The following GORASP2 variants were observed in gnomAD, a reference collection of about 807,000 sequenced individuals.
The protein encoded by GORASP2 is Golgi reassembly-stacking protein 2.
GORASP2 carries 22 observed loss-of-function variants against 45.7 expected under a neutral mutation model. The observed-to-expected ratio is 0.48, with a 90% confidence interval of 0.34 to 0.69. GORASP2 has a LOEUF of 0.69. GORASP2 is among the 30% of genes least tolerant of loss of function. GORASP2 has a pLI of 0.01. For missense variants in GORASP2, 491 were observed against 562.7 expected, an observed-to-expected ratio of 0.87 and a Z score of 1.29; for synonymous variants, 221 against 215.6, an observed-to-expected ratio of 1.02 and a Z score of -0.22.
chr2:170,963,835 G>A (rs1470555153), intron 9 of GORASP2, among the ~76,000 whole-genome samples: 11 of 152,004 alleles, frequency 7.2e-5, no homozygotes, highest in Non-Finnish European at 1.5e-5. Context: ...TGTAGAGAAG[G>A]GGTTTCACCA....
chr2:170,945,513 A>G (rs909521769), intron 1 of GORASP2, among the ~76,000 whole-genome samples: 21 of 148,752 alleles, frequency 1.4e-4, no homozygotes, highest in African/African-American at 3.9e-4. Flanking sequence ...AAAAAAAAAA[A>G]AAGAAGAAGA....
At chr2:170,959,269 C>T (rs148614977) in intron 7 of GORASP2, among the ~76,000 whole-genome samples, 103 of 152,260 alleles carry the variant, frequency 6.8e-4, no homozygotes, top group African/African-American at 2.1e-3. Context: ...GCCCCAGATG[C>T]GCTTCTGATT....
intron 4 of GORASP2, 69 bp from the exon 5 acceptor site, chr2:170,951,259 G>A: frequency 8.1e-7 from 1 of 1,240,542 alleles, no homozygotes; most frequent in Non-Finnish European, 1.1e-6. Context: ...GATTCTGATA[G>A]CCAGGTTTGA....
chr2:170,930,732 C>A (rs1270961805), intron 1 of GORASP2, among the ~76,000 whole-genome samples: 2 of 152,008 alleles, frequency 1.3e-5, no homozygotes, highest in Non-Finnish European at 2.9e-5. Context: ...ACCAAACACC[C>A]AAGAGCCACA....
chr2:170,954,586 AAAAC>A (rs748808937), intron 5 of GORASP2, 60 bp from the exon 6 acceptor site: 14 of 1,474,114 alleles, frequency 9.5e-6, no homozygotes, highest in Non-Finnish European at 1.3e-5. Flanking sequence ...CCCCCCAAAA[AAAAC>A]ACCTCAAAGA....
chr2:170,965,945 A>G lies in GORASP2; in HGVS notation c.1174A>G (p.Asn392Asp). Residue 392 changes from asparagine to aspartate, a missense_variant, in exon 10 of 10, where the codon AAC becomes GAC. By Grantham distance (23) the Asn-to-Asp change is conservative. Around this residue, in one of 2 missense-constraint regions of GORASP2, gnomAD observed 297 missense variants for 292.3 expected, o/e 1.02. Coordinates refer to ENST00000234160, the MANE Select transcript of GORASP2 (RefSeq NM_015530.5). ...ELLSSLPPTSNAPSDPATTTA... is the reference protein window; with the variant it reads ...ELLSSLPPTSDAPSDPATTTA... ...GCTGTCTTCCCTCCCGCCCACCAGC[A>G]ACGCACCCTCCGACCCTGCCACAAC... The G allele has an allele frequency of 6.2e-7, 1 of 1,613,892 alleles. No individual in the cohort carries two copies. The highest frequency in any genetic ancestry group is 8.5e-7 in the Non-Finnish European group (1 of 1,179,962).
chr2:170,953,126 C>T (rs1000897368), intron 5 of GORASP2, among the ~76,000 whole-genome samples: 2 of 152,116 alleles, frequency 1.3e-5, no homozygotes, highest in East Asian at 1.9e-4. Flanking sequence ...GAGGCTGAGG[C>T]GGGTGGATCA....
rs149016079 is a variant in GORASP2, at chr2:170,955,762, G to A, written c.700-674G>A. Among the ~76,000 whole-genome samples, 294 of 152,328 alleles carry A rather than the reference G, an allele frequency of 1.9e-3. 1 individual carries two copies. The highest frequency in any genetic ancestry group is 1.7e-3 in the Non-Finnish European group (117 of 68,030). ...GGCTTTCCCAGTTGAACCTCTTTGG[G>A]TAGTCTGAGAAGATGACAGTGACTA... On this transcript the variant is annotated intron_variant, in intron 6 of 9. Transcript: ENST00000234160.
intron 7 of GORASP2, among the ~76,000 whole-genome samples, chr2:170,959,821 C>CTTTTTTTTT (rs35210942): frequency 8.0e-6 from 1 of 124,552 alleles, no homozygotes. Flanking sequence ...TCACCTTTTT[C>CTTTTTTTTT]TTTTTTTTTT....
rs1158457987 is a variant in GORASP2 at position 170,961,682 on chromosome 2, A to C, written c.843A>C (p.Leu281Phe). The C allele has an allele frequency of 1.3e-6, 2 of 1,585,234 alleles. No homozygotes were observed. The highest frequency in any genetic ancestry group is 3.3e-5 in the Admixed American group (2 of 59,972). The stretch of plus-strand genomic sequence containing the variant: ...TTTTAGGTGTACCAACAGTACCGTT[A>C]TTGCCACCACAAGTAAACCAGTCCC... The part of the protein sequence containing the change: ...VLSTGVPTVP[L>F]LPPQVNQSLT... Residue 281 changes from leucine (L) to phenylalanine (F), a missense_variant, in exon 8 of 10, where the codon TTA becomes TTC. Leu to Phe is a conservative substitution (Grantham distance 22, BLOSUM62 0). Transcript: ENST00000234160.
At chr2:170,962,618 C>A (rs1704589477) in intron 8 of GORASP2, among the ~76,000 whole-genome samples, 1 of 152,070 alleles carries the variant, frequency 6.6e-6, no homozygotes. Flanking sequence ...TCATCTTCAC[C>A]CAGTTAGCCA....
At chr2:170,931,138 TAATC>T (rs1257081384) in intron 1 of GORASP2, among the ~76,000 whole-genome samples, 3 of 152,246 alleles carry the variant, frequency 2.0e-5, no homozygotes, top group Non-Finnish European at 2.9e-5. Flanking sequence ...GATGTGTTAT[TAATC>T]TATACATCTG....
intron 2 of GORASP2, among the ~76,000 whole-genome samples, chr2:170,949,109 ACTTT>A (rs1211466463): frequency 6.6e-6 from 1 of 152,194 alleles, no homozygotes; most frequent in African/African-American, 2.4e-5. Flanking sequence ...TGCTGTTTCT[ACTTT>A]CTTTTCTATC....
At chr2:170,963,097 C>T in intron 9 of GORASP2, 151 bp downstream of exon 9, 1 of 626,664 alleles carries the variant, frequency 1.6e-6, no homozygotes, top group African/African-American at 1.8e-5. Context: ...GTTTAAAAAG[C>T]TTAAGAGGAT....
At chr2:170,964,699 C>T (rs1704646808) in intron 9 of GORASP2, among the ~76,000 whole-genome samples, 1 of 151,934 alleles carries the variant, frequency 6.6e-6, no homozygotes, top group Non-Finnish European at 1.5e-5. Context: ...AGTCAAACTA[C>T]CATTTACTGT....
At chr2:170,936,204 A>ATATG (rs1460132655) in intron 1 of GORASP2, among the ~76,000 whole-genome samples, 2 of 146,200 alleles carry the variant, frequency 1.4e-5, no homozygotes, top group African/African-American at 2.5e-5. Flanking sequence ...AGAAAGTTTG[A>ATATG]TATGTGCTTT....
At chr2:170,942,252 A>T (rs943148323) in intron 1 of GORASP2, among the ~76,000 whole-genome samples, 3 of 152,158 alleles carry the variant, frequency 2.0e-5, no homozygotes, top group African/African-American at 7.2e-5. Flanking sequence ...GAAAGTTCAG[A>T]CTTCTAAAGT....
chr2:170,951,685 A>G, intron 5 of GORASP2: 1 of 282,614 alleles, frequency 3.5e-6, no homozygotes, highest in Non-Finnish European at 6.5e-6. Flanking sequence ...CCTAAGAGCT[A>G]ACAGCATTTC....
chr2:170,931,631 A>G (rs1232195118), intron 1 of GORASP2, among the ~76,000 whole-genome samples: 1 of 152,248 alleles, frequency 6.6e-6, no homozygotes, highest in Non-Finnish European at 1.5e-5. Flanking sequence ...AATACCAATT[A>G]TAATAACATT....
Sources: gnomAD v4.1 joint callset for allele counts (sites outside exome capture counted in the v4.1 genomes callset) on GRCh38, gnomAD v4.1.1 for gene constraint, gnomAD v4.1.1 regional missense constraint, MANE v1.5 for transcripts, NCBI Gene and HGNC (gene_info 2026-07-23, HGNC 2026-07-21) for gene names.